PLXNA4: variants seen among roughly 807,000 people sequenced by gnomAD.
PLXNA4 encodes the protein plexin A4.
Under a neutral mutation model 191.8 loss-of-function variants are expected in PLXNA4, and 44 were observed. The observed-to-expected ratio is 0.23, with a 90% CI of 0.18 to 0.29. The LOEUF is 0.29. PLXNA4 is among the 10% of genes least tolerant of loss of function. PLXNA4 has a pLI of 1.00. For missense variants in PLXNA4, 1,800 were observed against 2,488.8 expected, an observed-to-expected ratio of 0.72 and a Z score of 5.89; for synonymous variants, 1,082 against 1,009.5, an observed-to-expected ratio of 1.07 and a Z score of -1.36.
At chr7:132,585,096 C>G (rs561614498) in intron 2 of PLXNA4, among the ~76,000 whole-genome samples, 12 of 152,158 alleles carry the variant, frequency 7.9e-5, no homozygotes, top group Non-Finnish European at 1.8e-4. Context: ...CTTCATCTCT[C>G]ATTTCCTAAA....
rs146361588 is a variant in PLXNA4 at position 132,588,320 on chromosome 7, C to A, written c.-87+57608G>T. On this transcript the variant is annotated intron_variant, in intron 2 of 4. Coordinates refer to the PLXNA4 transcript ENST00000378539. ...CCTGAACAATGGCATTCTTATCTCT[C>A]CCTTGGGAGAAATTATTCTGTCATC... Among the ~76,000 whole-genome samples, 187 of 152,076 alleles carry A rather than the reference C, an allele frequency of 1.2e-3. 3 individuals are homozygous for A. The highest frequency in any genetic ancestry group is 4.3e-3 in the African/African-American group (177 of 41,542).
At position 132,145,133 on chromosome 7, in the gene PLXNA4, G is replaced by T. The variant is rs201002816; in HGVS notation, c.5211C>A (p.Thr1737=). 2.2e-5 allele frequency: 35 copies of T among 1,614,144 alleles called. No individual in the cohort carries two copies. The highest frequency in any genetic ancestry group is 5.0e-5 in the Admixed American group (3 of 60,018). ...CCTTCACTCACCAATTGCTCTTCCA[G>T]GTATGGCGGACGTGCGGGTCATGAA... ...HGIHDPHVRH[T]WKSNCLPLRF... is the part of the protein sequence containing the mutation. The change falls in exon 29 of 32, where the codon ACC becomes ACA. Residue 1737 remains threonine (T), a synonymous_variant. Transcript: ENST00000321063.
At chr7:132,282,392 G>T (rs139246121) in intron 4 of PLXNA4, among the ~76,000 whole-genome samples, 4 of 151,954 alleles carry the variant, frequency 2.6e-5, no homozygotes, top group Non-Finnish European at 5.9e-5. Flanking sequence ...GGGCAACATG[G>T]AGAAACCCCA....
rs140698311 is a variant in PLXNA4 at position 132,391,780 on chromosome 7, G to A, written c.1372-93558C>T. 6.9e-3 allele frequency among the ~76,000 whole-genome samples: 1,049 copies of A among 152,282 alleles called. 7 individuals are homozygous for A. The highest frequency in any genetic ancestry group is 0.037 in the Middle Eastern group (11 of 294). ...GTAGTCAGAGGCCAGGGAGGCCACC[G>A]AGGCAGACTCCACAATCTTTGGAGG... On this transcript the variant is annotated intron_variant, in intron 3 of 31. Transcript: ENST00000321063.
chr7:132,338,742 G>A (rs1802913291), intron 3 of PLXNA4, among the ~76,000 whole-genome samples: 1 of 152,140 alleles, frequency 6.6e-6, no homozygotes, highest in African/African-American at 2.4e-5. Flanking sequence ...CTGTGGGGAT[G>A]CAGCACTGAA....
At chr7:132,611,575 A>C (rs1259275432) in intron 2 of PLXNA4, among the ~76,000 whole-genome samples, 1 of 152,202 alleles carries the variant, frequency 6.6e-6, no homozygotes, top group Non-Finnish European at 1.5e-5. Flanking sequence ...CGTGCACCCA[A>C]AGGTGGGGGA....
chr7:132,210,918 C>A (rs1474439241), intron 10 of PLXNA4, 25 bp downstream of exon 10: 1 of 1,602,214 alleles, frequency 6.2e-7, no homozygotes, highest in Non-Finnish European at 8.5e-7. Flanking sequence ...CCTGGTTTGG[C>A]AGTGGGCAGG....
rs1041202581 is a variant in PLXNA4, at chr7:132,179,711, G to A, written c.3850C>T (p.Arg1284Cys). 1.9e-6 allele frequency: 3 copies of A among 1,613,798 alleles called. No homozygotes were observed. Among genetic ancestry groups the A allele is most frequent in the Non-Finnish European group, 1.7e-6 (2 of 1,179,738 alleles). Residue 1284 changes from arginine to cysteine, a missense_variant, in exon 20 of 32, where the codon CGT (arginine) becomes TGT (cysteine). Arg to Cys is a radical substitution (Grantham distance 180, BLOSUM62 -3). This residue lies in a region of PLXNA4 where 1,397 missense variants were observed against 1,880.4 expected (regional missense o/e 0.74). Coordinates refer to ENST00000321063, the MANE Select transcript of PLXNA4 (RefSeq NM_020911.2). ...LQMQMDNLES[R>C]VALECKEAFA... ...CCTTCCTTGCACTCCAGGGCCACAC[G>A]GGACTCCAGGTTGTCCATCTGCATC...
At chr7:132,647,372 CAT>C (rs1487089661) in intron 1 of PLXNA4, among the ~76,000 whole-genome samples, 3 of 151,980 alleles carry the variant, frequency 2.0e-5, no homozygotes, top group Non-Finnish European at 4.4e-5. Context: ...TACACACACA[CAT>C]GCAGTCATGC....
intron 3 of PLXNA4, among the ~76,000 whole-genome samples, chr7:132,481,847 A>AG (rs1730341578): frequency 6.6e-6 from 1 of 152,162 alleles, no homozygotes; most frequent in African/African-American, 2.4e-5. Context: ...CTGAGCCCCC[A>AG]GGCCTCCTTG....
chr7:132,255,533 T>G (rs1340397114), intron 4 of PLXNA4, among the ~76,000 whole-genome samples: 1 of 152,210 alleles, frequency 6.6e-6, no homozygotes, highest in East Asian at 1.9e-4. Context: ...AATTCAACTT[T>G]AAAGGTTTCC....
chr7:132,257,770 A>T (rs967217655), intron 4 of PLXNA4, among the ~76,000 whole-genome samples: 2 of 152,256 alleles, frequency 1.3e-5, no homozygotes, highest in South Asian at 4.1e-4. Context: ...ATTTGAAGGG[A>T]AGGCCGTGGG....
At position 132,159,470 on chromosome 7, in the gene PLXNA4, C is replaced by T. The variant is rs546392719; in HGVS notation, c.4660+3G>A. ...ACAGCCCCTGGGTGGACAGCCTACT[C>T]ACCCAGATCCATATCTGCAGCTTTG... On this transcript the variant is annotated splice_donor_region_variant and intron_variant, in intron 25 of 31. Transcript: ENST00000321063. 22 of 1,613,864 alleles carry T rather than the reference C, an allele frequency of 1.4e-5. 1 individual carries two copies. In the South Asian group the frequency reaches 2.4e-4, roughly 18 times the overall value.
intron 9 of PLXNA4, among the ~76,000 whole-genome samples, chr7:132,218,716 T>C (rs941487131): frequency 6.6e-6 from 1 of 152,192 alleles, no homozygotes; most frequent in Non-Finnish European, 1.5e-5. Context: ...TGGGCATGGC[T>C]TTGTTAATGG....
intron 3 of PLXNA4, among the ~76,000 whole-genome samples, chr7:132,342,963 A>AAAG (rs1803096140): frequency 6.7e-6 from 1 of 148,766 alleles, no homozygotes; most frequent in African/African-American, 2.5e-5. Context: ...AAAAAAAAAG[A>AAAG]AAAAAAAAAT....
chr7:132,218,902 A>C (rs1798053862), intron 9 of PLXNA4, among the ~76,000 whole-genome samples: 1 of 152,224 alleles, frequency 6.6e-6, no homozygotes, highest in Non-Finnish European at 1.5e-5. Context: ...CATTAATATA[A>C]TAACAACAAT....
intron 4 of PLXNA4, among the ~76,000 whole-genome samples, chr7:132,251,369 C>T (rs1347381652): frequency 6.6e-6 from 1 of 152,186 alleles, no homozygotes; most frequent in Admixed American, 6.5e-5. Flanking sequence ...TTCCCAAGCA[C>T]AGCCTGCTCA....
chr7:132,463,639 T>C (rs1372115194), intron 3 of PLXNA4, among the ~76,000 whole-genome samples: 2 of 152,222 alleles, frequency 1.3e-5, no homozygotes, highest in South Asian at 2.1e-4. Flanking sequence ...GCAGAACTTG[T>C]GTGGACTTCA....
intron 4 of PLXNA4, among the ~76,000 whole-genome samples, chr7:132,255,242 G>A (rs1799394106): frequency 6.6e-6 from 1 of 152,188 alleles, no homozygotes; most frequent in Non-Finnish European, 1.5e-5. Context: ...CCTGGGACCT[G>A]CTGCTGCTGG....
Sources: allele counts gnomAD v4.1 joint callset (sites outside exome capture counted in the v4.1 genomes callset), GRCh38; gene constraint gnomAD v4.1.1; regional missense constraint gnomAD v4.1.1; transcripts MANE v1.5; gene names NCBI Gene and HGNC (gene_info 2026-07-23, HGNC 2026-07-21).